The following OR9G4 variants were observed in gnomAD, a reference collection of about 807,000 sequenced individuals.
OR9G4 encodes the protein olfactory receptor family 9 subfamily G member 4, also known as olfactory receptor 9G4.
Under a neutral mutation model 16.7 loss-of-function variants are expected in OR9G4, and 19 were observed. That is an observed-to-expected ratio of 1.14 (90% CI 0.79 to 1.67). OR9G4 has a LOEUF of 1.67. Ranked by LOEUF, OR9G4 falls within the 40% of genes most tolerant of loss-of-function variation. The probability of loss-of-function intolerance (pLI) is 0.00; values close to 1 mark genes in which losing one functional copy is unlikely to be tolerated. For missense variants in OR9G4, 428 were observed against 370.4 expected, an observed-to-expected ratio of 1.16 and a Z score of -1.28; for synonymous variants, 182 against 146.2, an observed-to-expected ratio of 1.24 and a Z score of -1.76.
At chr11:56,745,763 C>T (rs1469006558) in intron 1 of OR9G4, among the ~76,000 whole-genome samples, 1 of 141,048 alleles carries the variant, frequency 7.1e-6, no homozygotes, top group Non-Finnish European at 1.5e-5. Flanking sequence ...CAGAGAGATA[C>T]GCTGTCTCAA....
Position 56,742,703 on chromosome 11 carries a change from G to T in OR9G4, c.*125C>A. The T allele has an allele frequency of 1.3e-6, 1 of 784,006 alleles. No homozygotes were observed. The highest frequency in any genetic ancestry group is 2.1e-6 in the Non-Finnish European group (1 of 484,216). The allele number at this position is 784,006 out of a possible 1,614,324, so 48.6% of individuals were successfully genotyped here. ...CAAACGAATAACAAGGAGTCATGTG[G>T]TCAATATTTTAATGTTTTAAATATG... On this transcript the variant is annotated 3_prime_UTR_variant, in exon 2 of 2. Coordinates refer to ENST00000641668, the MANE Select transcript of OR9G4 (RefSeq NM_001005284.2).
chr11:56,743,667 G>A lies in OR9G4; in HGVS notation c.100C>T (p.Leu34Phe). Reference sequence around the variant, plus strand: ...TTTCCTGACAAGGTTATCAAATAGAGCATCAGAAACACTCCAAATAGAATC... The same window carrying A: ...TTTCCTGACAAGGTTATCAAATAGAACATCAGAAACACTCCAAATAGAATC... ...QPILFGVFLM[L>F]YLITLSGNMT... Residue 34 changes from leucine to phenylalanine, a missense_variant, in exon 2 of 2, where the codon CTC becomes TTC. Coordinates refer to ENST00000641668, the MANE Select transcript of OR9G4 (RefSeq NM_001005284.2). 1.2e-6 allele frequency: 2 copies of A among 1,614,108 alleles called. No homozygotes were observed. The highest frequency in any genetic ancestry group is 2.2e-5 in the East Asian group (1 of 44,874).
chr11:56,743,371 A>C lies in OR9G4; in HGVS notation c.396T>G (p.Tyr132Ter). 6.2e-7 allele frequency: 1 copy of C among 1,614,192 alleles called. No homozygotes were observed. Among genetic ancestry groups the C allele is most frequent in the Non-Finnish European group, 8.5e-7 (1 of 1,180,032 alleles). ...AGAGGGCGGTGGACATGGTACCTGA[A>C]TAAAGCAATGGGTTACAAATTGCTG... is the stretch of plus-strand genomic sequence containing the variant. ...RHAAICNPLL[Y>*]SGTMSTALCT... The change falls in exon 2 of 2, where the codon TAT becomes TAG. Residue 132 changes from tyrosine (Y) to a stop codon, truncating the protein, a stop_gained. Coordinates refer to ENST00000641668, the MANE Select transcript of OR9G4 (RefSeq NM_001005284.2). LOFTEE classifies it high-confidence loss of function.
chr11:56,744,145 G>A (rs1357781736), intron 1 of OR9G4, among the ~76,000 whole-genome samples: 1 of 151,668 alleles, frequency 6.6e-6, no homozygotes, highest in Non-Finnish European at 1.5e-5. Flanking sequence ...TCCATTCACT[G>A]CAACTTCTGC....
chr11:56,746,002 C>T (rs1286070653), intron 1 of OR9G4, among the ~76,000 whole-genome samples: 1 of 151,504 alleles, frequency 6.6e-6, no homozygotes, highest in Non-Finnish European at 1.5e-5. Flanking sequence ...CCTTAAAATA[C>T]AATCCTATGG....
At position 56,742,924 on chromosome 11, in the gene OR9G4, G is replaced by A. The variant is rs781319559; in HGVS notation, c.843C>T (p.Ile281=). 1.2e-6 allele frequency: 2 copies of A among 1,614,112 alleles called. No homozygotes were observed. Among genetic ancestry groups the A allele is most frequent in the Admixed American group, 3.3e-5 (2 of 60,024 alleles). ...DKVAALFYTV[I]NPLLNPLIYS... Reference sequence around the variant, plus strand: ...AGATGAGAGGGTTGAGCAGTGGGTTGATCACGGTGTAGAACAGAGCAGCTA... The same window carrying A: ...AGATGAGAGGGTTGAGCAGTGGGTTAATCACGGTGTAGAACAGAGCAGCTA... Residue 281 remains isoleucine (I), a synonymous_variant, in exon 2 of 2, where the codon ATC becomes ATT. Transcript: ENST00000641668.
intron 1 of OR9G4, among the ~76,000 whole-genome samples, chr11:56,747,193 T>C (rs1858430301): frequency 6.8e-6 from 1 of 147,968 alleles, no homozygotes; most frequent in African/African-American, 2.5e-5. Context: ...TTTATTATTA[T>C]TATTATTATT....
chr11:56,747,455 T>A (rs533912270), intron 1 of OR9G4, among the ~76,000 whole-genome samples: 1 of 152,252 alleles, frequency 6.6e-6, no homozygotes, highest in African/African-American at 2.4e-5. Context: ...CCCTCATCTA[T>A]TGTCATCCTC....
rs1590606586 is a variant in OR9G4 at position 56,742,779 on chromosome 11, G to A, written c.*49C>T. On this transcript the variant is annotated 3_prime_UTR_variant, in exon 2 of 2. Transcript: ENST00000641668. Reference sequence around the variant, plus strand: ...GAAATGCAAATGAACACATTTATAAGCCAATAATCTGGAAAATTCAATAAC... The same window carrying A: ...GAAATGCAAATGAACACATTTATAAACCAATAATCTGGAAAATTCAATAAC... The A allele has an allele frequency of 1.2e-5, 18 of 1,527,876 alleles. No homozygotes were observed. In the East Asian group the frequency reaches 4.1e-4, roughly 34 times the overall value. 94.6% of individuals were successfully genotyped at this position (1,527,876 alleles called of 1,614,324 possible). A position where few individuals can be genotyped will look rare whatever the true frequency, so the allele number is the denominator to read the frequency against.
Position 56,743,046 on chromosome 11 carries a change from A to G in OR9G4, c.721T>C (p.Cys241Arg). 1 of 1,613,982 alleles carries G rather than the reference A, an allele frequency of 6.2e-7. No individual in the cohort carries two copies. The highest frequency in any genetic ancestry group is 2.2e-5 in the East Asian group (1 of 44,884). Residue 241 changes from cysteine (C) to arginine (R), a missense_variant, in exon 2 of 2, where the codon TGT becomes CGT. Cys to Arg is a radical substitution (Grantham distance 180). Transcript: ENST00000641668. ...ASGRHKAFST[C>R]ASHLISVMLF... ...ATGACTGAGATGAGGTGGGAAGCACAGGTGGAGAATGCCTTGTGTCTTCCT... is the reference window on the plus strand; with the variant it reads ...ATGACTGAGATGAGGTGGGAAGCACGGGTGGAGAATGCCTTGTGTCTTCCT...
rs554643128 is a variant in OR9G4, at chr11:56,741,651, A to T, written c.*1177T>A. 39 of 152,358 alleles carry T rather than the reference A, an allele frequency of 2.6e-4. No homozygotes were observed. The highest frequency in any genetic ancestry group is 7.9e-4 in the African/African-American group (33 of 41,576). 9.4% of individuals were successfully genotyped at this position (152,358 alleles called of 1,614,324 possible). A position where few individuals can be genotyped will look rare whatever the true frequency, so the allele number is the denominator to read the frequency against. On this transcript the variant is annotated 3_prime_UTR_variant, in exon 2 of 2. Transcript: ENST00000641668. ...GAAATGTCAAGTAAAGACAAATGAAATGGCTACAACTATTTGTCCTAAATT... is the reference window on the plus strand; with the variant it reads ...GAAATGTCAAGTAAAGACAAATGAATTGGCTACAACTATTTGTCCTAAATT...
At position 56,742,826 on chromosome 11, in the gene OR9G4, C is replaced by T. The variant is rs985410275; in HGVS notation, c.*2G>A. ...TAACAGCATTTGCAAAGAGAATAAC[C>T]TTCATGTTTGTGGTTGTATAGTCTG... On this transcript the variant is annotated 3_prime_UTR_variant, in exon 2 of 2. Coordinates refer to ENST00000641668, the MANE Select transcript of OR9G4 (RefSeq NM_001005284.2). 1.9e-6 allele frequency: 3 copies of T among 1,608,628 alleles called. No homozygotes were observed. The highest frequency in any genetic ancestry group is 1.3e-5 in the African/African-American group (1 of 74,792).
In OR9G4 at chr11:56,742,939, C is replaced by T. The variant is rs1858324935; in HGVS notation, c.828G>A (p.Leu276=). 2 of 1,613,962 alleles carry T rather than the reference C, an allele frequency of 1.2e-6. No individual in the cohort carries two copies. The highest frequency in any genetic ancestry group is 1.3e-5 in the African/African-American group (1 of 74,902). Residue 276 remains leucine, a synonymous_variant, in exon 2 of 2, where the codon CTG becomes CTA. Transcript: ENST00000641668. ...YSLERDKVAA[L]FYTVINPLLN... is the part of the protein sequence containing the mutation. The stretch of plus-strand genomic sequence containing the variant: ...GCAGTGGGTTGATCACGGTGTAGAA[C>T]AGAGCAGCTACTTTGTCCCTCTCTA...
At chr11:56,743,847 G>C (rs902935724) in intron 1 of OR9G4, 59 bp from the exon 2 acceptor site, 1 of 1,554,876 alleles carries the variant, frequency 6.4e-7, no homozygotes, top group Non-Finnish European at 8.7e-7. Context: ...AAGTTGACAA[G>C]GGTATCAATT....
chr11:56,747,643 T>C (rs1001585256), intron 1 of OR9G4, among the ~76,000 whole-genome samples: 2 of 152,108 alleles, frequency 1.3e-5, no homozygotes, highest in Non-Finnish European at 2.9e-5. Flanking sequence ...TACCTTCATA[T>C]CTTGAAGCTG....
chr11:56,745,080 A>G (rs907550130), intron 1 of OR9G4, among the ~76,000 whole-genome samples: 2 of 152,146 alleles, frequency 1.3e-5, no homozygotes, highest in African/African-American at 2.4e-5. Context: ...AAAACAGCCC[A>G]TTTTCTGGAC....
chr11:56,743,731 G>T lies in OR9G4; in HGVS notation c.36C>A (p.Phe12Leu), dbSNP rs763201474. The stretch of plus-strand genomic sequence containing the variant: ...AATCTGCTGAGAAACCCAACAAGAT[G>T]AATTCAGTCAGGATGGTGCAATTTC... ...EVGNCTILTE[F>L]ILLGFSADSQ... Residue 12 changes from phenylalanine (F) to leucine (L), a missense_variant, in exon 2 of 2, where the codon TTC becomes TTA. By Grantham distance (22) the Phe-to-Leu change is conservative (BLOSUM62 0). Transcript: ENST00000641668. The T allele has an allele frequency of 6.2e-7, 1 of 1,613,968 alleles. No homozygotes were observed. The highest frequency in any genetic ancestry group is 8.5e-7 in the Non-Finnish European group (1 of 1,179,956).
chr11:56,743,106 T>G lies in OR9G4; in HGVS notation c.661A>C (p.Ile221Leu). 6.2e-7 allele frequency: 1 copy of G among 1,614,104 alleles called. No individual in the cohort carries two copies. The highest frequency in any genetic ancestry group is 8.5e-7 in the Non-Finnish European group (1 of 1,180,016). ...ILAILISYVN[I>L]LLAILRIHSA... ...TGGATTCTCAGGATAGCCAGGAGGA[T>G]GTTGACATAGGAAATCAGGATAGCA... Residue 221 changes from isoleucine to leucine, a missense_variant, in exon 2 of 2, where the codon ATC (isoleucine) becomes CTC (leucine). Transcript: ENST00000641668.
Position 56,743,294 on chromosome 11 carries a change from G to T in OR9G4, c.473C>A (p.Ala158Asp). The change falls in exon 2 of 2, where the codon GCC becomes GAC. Residue 158 changes from alanine to aspartate, a missense_variant. Coordinates refer to ENST00000641668, the MANE Select transcript of OR9G4 (RefSeq NM_001005284.2). ...SYIGGFLNAI[A>D]HTANTFRLHF... Reference sequence around the variant, plus strand: ...CAGGCGGAATGTATTGGCAGTATGGGCTATGGCATTCAAAAATCCTCCTAT... The same window carrying T: ...CAGGCGGAATGTATTGGCAGTATGGTCTATGGCATTCAAAAATCCTCCTAT... The T allele has an allele frequency of 6.2e-7, 1 of 1,614,120 alleles. No individual in the cohort carries two copies. The highest frequency in any genetic ancestry group is 8.5e-7 in the Non-Finnish European group (1 of 1,180,018).
Sources: allele counts gnomAD v4.1 joint callset (sites outside exome capture counted in the v4.1 genomes callset), GRCh38; gene constraint gnomAD v4.1.1; transcripts MANE v1.5; gene names NCBI Gene and HGNC (gene_info 2026-07-23, HGNC 2026-07-21).